The following WRAP73 variants were observed in gnomAD, a reference collection of about 807,000 sequenced individuals.
WRAP73 encodes the protein WD repeat-containing protein WRAP73.
A neutral mutation model predicts 59.6 loss-of-function variants in WRAP73; 55 were observed. That is an observed-to-expected ratio of 0.92 (90% CI 0.74 to 1.15). WRAP73 has a LOEUF of 1.15. Ranked by LOEUF, WRAP73 falls within the 50% of genes most tolerant of loss-of-function variation. The pLI, the probability that WRAP73 is intolerant of heterozygous loss-of-function variation, is 0.00. For missense variants in WRAP73, 592 were observed against 608.1 expected (o/e 0.97, Z 0.28); for synonymous variants, 265 against 258.2 (o/e 1.03, Z -0.25).
Position 3,639,921 on chromosome 1 carries a change from T to G in WRAP73, c.340-1099A>C, listed in dbSNP as rs1486035820. Among the ~76,000 whole-genome samples the G allele has an allele frequency of 6.6e-6, 1 of 152,160 alleles. No individual in the cohort carries two copies. The highest frequency in any genetic ancestry group is 1.5e-5 in the Non-Finnish European group (1 of 68,020). Reference sequence around the variant, plus strand: ...CAGCAGCGTAAGTGGGGCCGCAGCGTGTGGGGCACAGCATGTCCACAGTGT... The same window carrying G: ...CAGCAGCGTAAGTGGGGCCGCAGCGGGTGGGGCACAGCATGTCCACAGTGT... On this transcript the variant is annotated intron_variant, in intron 3 of 11. Coordinates refer to ENST00000270708, the MANE Select transcript of WRAP73 (RefSeq NM_017818.4). The surrounding 1 kb of genome is among the most constrained non-coding windows in gnomAD (Gnocchi z 4.3).
intron 5 of WRAP73, 67 bp from the exon 6 acceptor site, chr1:3,636,097 T>C: frequency 1.7e-6 from 2 of 1,190,874 alleles, no homozygotes; most frequent in South Asian, 1.3e-5. Context: ...ATTGCATTTA[T>C]GACTGATGTT....
chr1:3,633,237 A>G (rs1262623948), intron 9 of WRAP73, 161 bp downstream of exon 9: 1 of 705,790 alleles, frequency 1.4e-6, no homozygotes, highest in Non-Finnish European at 2.5e-6. Flanking sequence ...TTCAGACCCT[A>G]GTCAACCTCC....
intron 3 of WRAP73, among the ~76,000 whole-genome samples, chr1:3,643,593 C>G (rs984374255): frequency 7.1e-6 from 1 of 139,984 alleles, no homozygotes; most frequent in Non-Finnish European, 1.6e-5. Flanking sequence ...GTCGCGCCTT[C>G]GGAAGGGGAC....
chr1:3,636,099 A>C, intron 5 of WRAP73, 69 bp from the exon 6 acceptor site: 1 of 1,179,174 alleles, frequency 8.5e-7, no homozygotes, highest in Non-Finnish European at 1.3e-6. Flanking sequence ...TGCATTTATG[A>C]CTGATGTTCT....
rs1644578350 is a variant in WRAP73 at position 3,635,214 on chromosome 1, A to G, written c.684T>C (p.Ser228=). The change falls in exon 7 of 12, where the codon TCT becomes TCC. Residue 228 remains serine, a synonymous_variant. Transcript: ENST00000270708. Reference sequence around the variant, plus strand: ...ACTGACTGCTGGGGCTCCAGGCCACAGACTTGATGCCCAGGGACCACTCGT... The same window carrying G: ...ACTGACTGCTGGGGCTCCAGGCCACGGACTTGATGCCCAGGGACCACTCGT... ...SAYEWSLGIK[S]VAWSPSSQFL... is the part of the protein sequence containing the mutation. 6.2e-7 allele frequency: 1 copy of G among 1,614,080 alleles called. No individual in the cohort carries two copies. The highest frequency in any genetic ancestry group is 1.3e-5 in the African/African-American group (1 of 75,066).
intron 4 of WRAP73, among the ~76,000 whole-genome samples, chr1:3,638,188 C>T (rs1339566288): frequency 6.6e-6 from 1 of 152,246 alleles, no homozygotes; most frequent in East Asian, 1.9e-4. Context: ...GGAGTGGCAC[C>T]TCCCACTAGC....
chr1:3,635,099 T>C (rs1644577163), intron 7 of WRAP73, 25 bp from the exon 8 acceptor site: 1 of 1,613,994 alleles, frequency 6.2e-7, no homozygotes, highest in Admixed American at 1.7e-5. Flanking sequence ...CATGCACAGG[T>C]GAGGCAGGGC....
intron 1 of WRAP73, among the ~76,000 whole-genome samples, chr1:3,648,262 G>A (rs917562827): frequency 1.3e-5 from 2 of 152,106 alleles, no homozygotes; most frequent in South Asian, 2.1e-4. Flanking sequence ...TAAAAATAAC[G>A]CCTGAGTACT....
intron 3 of WRAP73, 69 bp from the exon 4 acceptor site, chr1:3,638,891 A>T: frequency 6.3e-7 from 1 of 1,579,408 alleles, no homozygotes; most frequent in Non-Finnish European, 8.7e-7. Flanking sequence ...CTCAATCCTC[A>T]ACCCGCCCAC....
chr1:3,635,444 T>C (rs1191541385), intron 6 of WRAP73, 150 bp from the exon 7 acceptor site: 4 of 1,032,556 alleles, frequency 3.9e-6, no homozygotes, highest in Non-Finnish European at 5.6e-6. Context: ...AACTGCCAGC[T>C]AGTACTGAGA....
chr1:3,650,058 CGCAGCAG>C lies in WRAP73; in HGVS notation c.-66_-60del. 6.7e-7 allele frequency: 1 copy of C among 1,485,830 alleles called. No homozygotes were observed. The highest frequency in any genetic ancestry group is 1.3e-5 in the South Asian group (1 of 79,970). The allele number at this position is 1,485,830 out of a possible 1,614,324, so 92.0% of individuals were successfully genotyped here. Reference sequence around the variant, plus strand: ...CGAAAACCCGCGGGACCCCTGGGCGCGCAGCAGGCTGCAACAGCCGACGCCGGCCTCC... The same window carrying C: ...CGAAAACCCGCGGGACCCCTGGGCGCGCTGCAACAGCCGACGCCGGCCTCC... On this transcript the variant is annotated 5_prime_UTR_variant, in exon 1 of 12. Transcript: ENST00000270708.
chr1:3,632,156 C>T (rs1644541622), intron 10 of WRAP73, 57 bp downstream of exon 10: 2 of 1,555,106 alleles, frequency 1.3e-6, no homozygotes, highest in East Asian at 4.5e-5. Flanking sequence ...CGCTTCTACA[C>T]CTGGGGCCAC....
chr1:3,634,398 C>G (rs1388250540), intron 8 of WRAP73: 1 of 163,360 alleles, frequency 6.1e-6, no homozygotes. Flanking sequence ...GCGCAGTGCC[C>G]GCTGCACACA....
intron 3 of WRAP73, among the ~76,000 whole-genome samples, chr1:3,642,224 C>CA (rs1263196225): frequency 2.0e-5 from 3 of 151,998 alleles, no homozygotes; most frequent in Non-Finnish European, 4.4e-5. Context: ...CCCAACTCTA[C>CA]AAAAAAATTG....
chr1:3,642,127 C>A (rs573523779), intron 3 of WRAP73, among the ~76,000 whole-genome samples: 1 of 152,316 alleles, frequency 6.6e-6, no homozygotes, highest in South Asian at 2.1e-4. Flanking sequence ...CTGTTGTGCA[C>A]CTGTAATGCC....
chr1:3,649,976 C>T lies in WRAP73; in HGVS notation c.24G>A (p.Lys8=), dbSNP rs1405060148. The change falls in exon 1 of 12, where the codon AAG becomes AAA. Residue 8 remains lysine, a synonymous_variant. Coordinates refer to ENST00000270708, the MANE Select transcript of WRAP73 (RefSeq NM_017818.4). MNFSEVF[K]LSSLLCKFSP... ...AGAACTTGCAGAGTAAGCTGGAGAG[C>T]TTGAATACCTCGGAGAAGTTCATGG... 3 of 1,602,374 alleles carry T rather than the reference C, an allele frequency of 1.9e-6. No individual in the cohort carries two copies. The highest frequency in any genetic ancestry group is 4.6e-5 in the East Asian group (2 of 43,866).
At position 3,635,959 on chromosome 1, in the gene WRAP73, C is replaced by T. The variant is rs1178165857; in HGVS notation, c.588G>A (p.Trp196Ter). 1.2e-6 allele frequency: 2 copies of T among 1,613,804 alleles called. No homozygotes were observed. Among genetic ancestry groups the T allele is most frequent in the Non-Finnish European group, 1.7e-6 (2 of 1,179,934 alleles). Residue 196 changes from tryptophan (W) to a stop codon, truncating the protein, a stop_gained, in exon 6 of 12, where the codon TGG becomes TGA. Transcript: ENST00000270708. LOFTEE classifies it high-confidence loss of function. ...WAPNGCVLAV[W>*]DTCLEYKILL... ...ATCTTCATACCTCCAAGCAGGTGTC[C>T]CACACTGCCAGCACACAGCCGTTTG...
In WRAP73 at chr1:3,648,607, T is replaced by G. The variant is rs58080962; in HGVS notation, c.70-1047A>C. 6.0e-3 allele frequency among the ~76,000 whole-genome samples: 907 copies of G among 152,304 alleles called. 10 individuals carry two copies. Among genetic ancestry groups the G allele is most frequent in the African/African-American group, 0.019 (790 of 41,570 alleles). On this transcript the variant is annotated intron_variant, in intron 1 of 11. Transcript: ENST00000270708. ...CTGCAAGATATGAAAACTAGAAACA[T>G]GGACCTGCTCTCCCCAGTCCTCAGG...
At chr1:3,642,581 TA>T (rs1243156598) in intron 3 of WRAP73, among the ~76,000 whole-genome samples, 1 of 151,700 alleles carries the variant, frequency 6.6e-6, no homozygotes, top group African/African-American at 2.4e-5. Flanking sequence ...CTACTAAAAA[TA>T]CAAAATTAGC....
Sources: allele counts gnomAD v4.1 joint callset (sites outside exome capture counted in the v4.1 genomes callset), GRCh38; gene constraint gnomAD v4.1.1; non-coding constraint Gnocchi (gnomAD v3.1); transcripts MANE v1.5; gene names NCBI Gene and HGNC (gene_info 2026-07-23, HGNC 2026-07-21).